USP42: variants seen among roughly 807,000 people sequenced by gnomAD.
The protein encoded by USP42 is ubiquitin specific peptidase 42.
In USP42, 23 loss-of-function variants were observed where a neutral mutation model predicts 113.0. The ratio of observed to expected loss-of-function variants is 0.20; its 90% confidence interval spans 0.15 to 0.29. The LOEUF is 0.29. Ranked by LOEUF, USP42 falls within the 10% of genes least tolerant of loss-of-function variation. The pLI is 1.00. For missense variants in USP42, 2,174 were observed against 1,779.8 expected, an observed-to-expected ratio of 1.22 and a Z score of -3.99; for synonymous variants, 933 against 699.0, an observed-to-expected ratio of 1.33 and a Z score of -5.28.
chr7:6,125,812 T>C (rs757839770), intron 3 of USP42, among the ~76,000 whole-genome samples: 71 of 152,102 alleles, frequency 4.7e-4, no homozygotes, highest in Admixed American at 1.4e-3. Flanking sequence ...TTGTTGATTT[T>C]AGTTTTTGTT....
chr7:6,134,621 C>T (rs950505298), intron 3 of USP42, among the ~76,000 whole-genome samples: 32 of 152,110 alleles, frequency 2.1e-4, no homozygotes, highest in Non-Finnish European at 4.4e-5. Context: ...GGCTGTTGAG[C>T]GGCATCCCTG....
intron 4 of USP42, among the ~76,000 whole-genome samples, chr7:6,136,780 T>G (rs1781173879): frequency 6.6e-6 from 1 of 151,822 alleles, no homozygotes; most frequent in Non-Finnish European, 1.5e-5. Flanking sequence ...AAGAAATAAA[T>G]AAGGTTAATT....
intron 3 of USP42, chr7:6,117,081 A>C: frequency 3.4e-6 from 1 of 290,122 alleles, no homozygotes; most frequent in East Asian, 1.2e-4. Flanking sequence ...AAAATACATA[A>C]TTTGATGCAT....
intron 3 of USP42, among the ~76,000 whole-genome samples, chr7:6,135,100 T>TCAC (rs1781058987): frequency 6.6e-6 from 1 of 152,226 alleles, no homozygotes; most frequent in Non-Finnish European, 1.5e-5. Flanking sequence ...TCCACAGTGA[T>TCAC]GTCTCATCCC....
chr7:6,111,455 C>G, intron 2 of USP42, 81 bp downstream of exon 2: 1 of 1,528,534 alleles, frequency 6.5e-7, no homozygotes, highest in South Asian at 1.3e-5. Flanking sequence ...CAGAGAGGGG[C>G]TTATTTTGCA....
rs1369551875 is a variant in USP42, at chr7:6,156,658, A to G, written c.3642-96A>G. The stretch of plus-strand genomic sequence containing the variant: ...AGAATTGTGCGTGTCTGCACAGTGA[A>G]TGTTCTCGGTGAATGGGTGGAAAGG... On this transcript the variant is annotated intron_variant, in intron 15 of 17. Coordinates refer to ENST00000306177, the MANE Select transcript of USP42 (RefSeq NM_032172.3). 4 of 1,443,012 alleles carry G rather than the reference A, an allele frequency of 2.8e-6. No individual in the cohort carries two copies. In the African/African-American group the frequency reaches 4.3e-5, roughly 16 times the overall value. The allele number at this position is 1,443,012 out of a possible 1,614,324, so 89.4% of individuals were successfully genotyped here.
chr7:6,107,517 C>T (rs1779358026), intron 1 of USP42, among the ~76,000 whole-genome samples: 1 of 150,360 alleles, frequency 6.7e-6, no homozygotes, highest in Non-Finnish European at 1.5e-5. Flanking sequence ...TCAAGGGATT[C>T]TCCTGCCTCA....
At chr7:6,114,933 G>C (rs534576309) in intron 2 of USP42, among the ~76,000 whole-genome samples, 2 of 151,374 alleles carry the variant, frequency 1.3e-5, no homozygotes, top group Non-Finnish European at 2.9e-5. Context: ...CTCATAATCC[G>C]CCTGCCTCAG....
upstream of USP42, among the ~76,000 whole-genome samples, chr7:6,104,641 G>T (rs547297913): frequency 6.6e-6 from 1 of 152,278 alleles, no homozygotes; most frequent in African/African-American, 2.4e-5. Flanking sequence ...GGGAAGCACA[G>T]GGCGGAAGGA....
chr7:6,154,584 G>A lies in USP42; in HGVS notation c.3030G>A (p.Glu1010=). 6.4e-7 allele frequency: 1 copy of A among 1,566,862 alleles called. No individual in the cohort carries two copies. Among genetic ancestry groups the A allele is most frequent in the Non-Finnish European group, 8.6e-7 (1 of 1,158,562 alleles). The part of the protein sequence containing the change: ...PGHGDRLSPG[E]RRSLGRCSHH... ...ACGGCGACAGGCTCAGCCCTGGCGA[G>A]CGCCGCTCTCTGGGCAGGTGCAGTC... Residue 1010 remains glutamate (E), a synonymous_variant, in exon 15 of 18, where the codon GAG becomes GAA. Transcript: ENST00000306177.
At chr7:6,086,267 G>A in the USP42 span, among the ~76,000 whole-genome samples, 8 of 143,052 alleles carry the variant, frequency 5.6e-5, 1 homozygote, top group African/African-American at 1.7e-4. Context: ...GTGTAGTGGC[G>A]CGATCTCAGT....
chr7:6,115,400 C>G lies in USP42; in HGVS notation c.319C>G (p.His107Asp). The change falls in exon 3 of 18, where the codon CAT becomes GAT. Residue 107 changes from histidine (H) to aspartate (D), a missense_variant. Physicochemically the swap from His to Asp is moderately conservative, Grantham distance 81. Coordinates refer to ENST00000306177, the MANE Select transcript of USP42 (RefSeq NM_032172.3). The stretch of plus-strand genomic sequence containing the variant: ...GATTTGTCTTAAGTGGCAACAAACT[C>G]ATAGAGTTGGAGCTGGGCTCCAGAA... ...EKICLKWQQT[H>D]RVGAGLQNLG... 2 of 1,614,048 alleles carry G rather than the reference C, an allele frequency of 1.2e-6. No individual in the cohort carries two copies. The highest frequency in any genetic ancestry group is 1.1e-5 in the South Asian group (1 of 91,084).
the USP42 span, among the ~76,000 whole-genome samples, chr7:6,099,289 A>G: frequency 7.5e-6 from 1 of 132,526 alleles, no homozygotes; most frequent in East Asian, 2.1e-4. Flanking sequence ...ATCTCAGCTC[A>G]TTGCAACCTA....
intron 17 of USP42, among the ~76,000 whole-genome samples, chr7:6,160,207 C>T (rs1782694093): frequency 6.6e-6 from 1 of 152,242 alleles, no homozygotes; most frequent in Admixed American, 6.5e-5. Context: ...AGTGAAGAGT[C>T]TGTGGATTAA....
At chr7:6,105,306 C>T (rs1270965253) in intron 1 of USP42, among the ~76,000 whole-genome samples, 3 of 147,254 alleles carry the variant, frequency 2.0e-5, no homozygotes, top group East Asian at 3.9e-4. Flanking sequence ...GGCTGCGCGG[C>T]GAGGCCGGGC....
At chr7:6,091,680 T>TACACACACACACACACAC in the USP42 span, among the ~76,000 whole-genome samples, 2,310 of 136,072 alleles carry the variant, frequency 0.017, 67 homozygotes, top group African/African-American at 0.037. Context: ...TATGTTAGCA[T>TACACACACACACACACAC]ACACACACAC....
Position 6,150,143 on chromosome 7 carries a change from C to G in USP42, c.1947C>G (p.His649Gln), listed in dbSNP as rs748779106. 1.2e-6 allele frequency: 2 copies of G among 1,613,468 alleles called. No individual in the cohort carries two copies. The highest frequency in any genetic ancestry group is 1.7e-6 in the Non-Finnish European group (2 of 1,179,704). Residue 649 changes from histidine (H) to glutamine (Q), a missense_variant, in exon 13 of 18, where the codon CAC becomes CAG. His to Gln is a conservative substitution (Grantham distance 24). Coordinates refer to ENST00000306177, the MANE Select transcript of USP42 (RefSeq NM_032172.3). ...CCGAAGATGAGGAGGCCACTCCGCA[C>G]GAGCTTCAAGAACCCATGACCCTAA... ...QDAEDEEATP[H>Q]ELQEPMTLNG...
rs747268040 is a variant in USP42 at position 6,150,401 on chromosome 7, T to C, written c.2107-11T>C. The C allele has an allele frequency of 1.9e-6, 3 of 1,613,238 alleles. No homozygotes were observed. Among genetic ancestry groups the C allele is most frequent in the Non-Finnish European group, 2.5e-6 (3 of 1,179,358 alleles). ...GCGACTGAAGCTGAAATATTTTTGT[T>C]TTTATTGCAGTTGATGCCTGCTCCT... is the stretch of plus-strand genomic sequence containing the variant. On this transcript the variant is annotated splice_polypyrimidine_tract_variant and intron_variant, in intron 13 of 17. Coordinates refer to ENST00000306177, the MANE Select transcript of USP42 (RefSeq NM_032172.3).
chr7:6,155,693 C>T (rs1218369004), intron 15 of USP42, among the ~76,000 whole-genome samples: 1 of 152,332 alleles, frequency 6.6e-6, no homozygotes, highest in South Asian at 2.1e-4. Flanking sequence ...GAGACACCTT[C>T]GTTTCCTCGG....
Sources: gnomAD v4.1 joint callset for allele counts (sites outside exome capture counted in the v4.1 genomes callset) on GRCh38, gnomAD v4.1.1 for gene constraint, MANE v1.5 for transcripts, NCBI Gene and HGNC (gene_info 2026-07-23, HGNC 2026-07-21) for gene names.